PTAFR: variants seen among roughly 807,000 people sequenced by gnomAD.
PTAFR encodes the protein platelet activating factor receptor, also known as platelet-activating factor receptor.
A neutral mutation model predicts 14.7 loss-of-function variants in PTAFR; 8 were observed. The ratio of observed to expected loss-of-function variants is 0.54; its 90% CI spans 0.32 to 0.98. PTAFR has a LOEUF of 0.98. Among genes scored for constraint, PTAFR ranks in the 50% least tolerant of loss-of-function variants. The probability of loss-of-function intolerance (pLI) is 0.04; values close to 1 mark genes in which losing one functional copy is unlikely to be tolerated. For missense variants in PTAFR, 337 were observed against 451.2 expected, an observed-to-expected ratio of 0.75 and a Z score of 2.29; for synonymous variants, 156 against 176.5, an observed-to-expected ratio of 0.88 and a Z score of 0.92.
At chr1:28,180,964 TGA>T (rs1646557535), upstream of PTAFR, among the ~76,000 whole-genome samples, 2 of 152,044 alleles carry the variant, frequency 1.3e-5, no homozygotes, top group African/African-American at 4.8e-5. Flanking sequence ...ATTGATTGAT[TGA>T]TTTTTATTTA....
chr1:28,191,768 T>TA lies in PTAFR; in HGVS notation c.-39+1953dup, dbSNP rs59239826. 5.4e-3 allele frequency among the ~76,000 whole-genome samples: 790 copies of TA among 145,910 alleles called. 14 individuals carry two copies. The highest frequency in any genetic ancestry group is 0.029 in the Middle Eastern group (8 of 280). On this transcript the variant is annotated intron_variant, in intron 1 of 1. Coordinates refer to the PTAFR transcript ENST00000305392. ...ACTCTCTCTCTTTTTTTTTTTTAAT[T>TA]AAAAAAAAAAGAGGCCAGGTGTGGT...
chr1:28,150,932 G>A lies in PTAFR; in HGVS notation c.90C>T (p.Val30=), dbSNP rs764800084. The change falls in exon 2 of 2, where the codon GTC becomes GTT. Residue 30 remains valine (V), a synonymous_variant. Transcript: ENST00000373857. This position sits in a 1 kb window ranked among gnomAD's most constrained non-coding sequence, Gnocchi z 6.3. ...IVYSIIFVLG[V]IANGYVLWVF... Reference sequence around the variant, plus strand: ...CCCACAGCACGTAGCCATTAGCAATGACCCCGAGCACAAAGATGATGCTGT... The same window carrying A: ...CCCACAGCACGTAGCCATTAGCAATAACCCCGAGCACAAAGATGATGCTGT... The A allele has an allele frequency of 5.0e-6, 8 of 1,613,922 alleles. No homozygotes were observed. The highest frequency in any genetic ancestry group is 1.7e-5 in the Admixed American group (1 of 59,982).
At chr1:28,177,517 G>C (rs758358787), upstream of PTAFR, among the ~76,000 whole-genome samples, 9 of 152,156 alleles carry the variant, frequency 5.9e-5, no homozygotes, top group South Asian at 1.9e-3. Flanking sequence ...GCTTCCCAAA[G>C]TGTTGGGATT....
chr1:28,167,633 ATTTTTT>A (rs780344665), intron 1 of PTAFR, among the ~76,000 whole-genome samples: 7 of 80,250 alleles, frequency 8.7e-5, no homozygotes, highest in South Asian at 9.6e-4. Context: ...TGAAAACGGG[ATTTTTT>A]TTTTTTTTTT....
intron 1 of PTAFR, among the ~76,000 whole-genome samples, chr1:28,185,754 T>C (rs1363742666): frequency 6.6e-6 from 1 of 152,174 alleles, no homozygotes; most frequent in Non-Finnish European, 1.5e-5. Flanking sequence ...TCTTCGCAGA[T>C]AGTATGACTA....
In PTAFR at chr1:28,188,666, T is replaced by C. The variant is rs144194955; in HGVS notation, c.-39+5056A>G. Among the ~76,000 whole-genome samples the C allele has an allele frequency of 1.2e-4, 18 of 150,974 alleles. No homozygotes were observed. The East Asian group carries it at 2.8e-3, about 23-fold the overall frequency. ...AGGAGAATCCCTTGAATCCTAGAGG[T>C]GGAGGAACCCGGGAGATCGCACCAC... On this transcript the variant is annotated intron_variant, in intron 1 of 1. Transcript: ENST00000305392.
At chr1:28,157,268 T>C (rs1646274731) in intron 1 of PTAFR, among the ~76,000 whole-genome samples, 1 of 152,062 alleles carries the variant, frequency 6.6e-6, no homozygotes, top group Non-Finnish European at 1.5e-5. Context: ...GCCTCCCAAG[T>C]AGCTGGGATT....
upstream of PTAFR, among the ~76,000 whole-genome samples, chr1:28,179,711 C>T (rs1051683517): frequency 3.3e-5 from 5 of 151,818 alleles, no homozygotes; most frequent in African/African-American, 9.7e-5. Flanking sequence ...TGCTGATTAC[C>T]GCTGGTAATC....
chr1:28,157,774 G>A (rs956991887), intron 1 of PTAFR, among the ~76,000 whole-genome samples: 11 of 151,662 alleles, frequency 7.3e-5, no homozygotes, highest in Admixed American at 5.3e-4. Flanking sequence ...GACTACAGGC[G>A]CCTGCCACGA....
intron 1 of PTAFR, among the ~76,000 whole-genome samples, chr1:28,162,963 G>A (rs1243399596): frequency 2.0e-5 from 3 of 151,630 alleles, no homozygotes; most frequent in African/African-American, 4.9e-5. Context: ...AACATCTTCC[G>A]TGGCTCCCCT....
At chr1:28,179,109 C>T (rs145670668), upstream of PTAFR, among the ~76,000 whole-genome samples, 748 of 152,310 alleles carry the variant, frequency 4.9e-3, 5 homozygotes, top group African/African-American at 0.017. Context: ...TGTACATGAA[C>T]TTAGCCTTCA....
At chr1:28,184,088 T>C (rs1211015829) in intron 1 of PTAFR, among the ~76,000 whole-genome samples, 1 of 127,422 alleles carries the variant, frequency 7.8e-6, no homozygotes. Flanking sequence ...GTCTGTTTTT[T>C]TTTTTTTTTT....
At chr1:28,186,142 A>T (rs1646604265) in intron 1 of PTAFR, among the ~76,000 whole-genome samples, 1 of 151,964 alleles carries the variant, frequency 6.6e-6, no homozygotes, top group East Asian at 1.9e-4. Flanking sequence ...ATGCTCGGCT[A>T]ATTTTTTTGT....
chr1:28,179,292 C>A (rs950628941), upstream of PTAFR, among the ~76,000 whole-genome samples: 3 of 152,212 alleles, frequency 2.0e-5, no homozygotes, highest in Non-Finnish European at 2.9e-5. Flanking sequence ...GTCTCCAGGA[C>A]GCCTGGCTCA....
intron 1 of PTAFR, among the ~76,000 whole-genome samples, chr1:28,182,760 A>AACC (rs1318004024): frequency 2.6e-5 from 4 of 152,130 alleles, no homozygotes; most frequent in Non-Finnish European, 5.9e-5. Flanking sequence ...GGCTCCCTGC[A>AACC]ACCTCCGCCT....
At chr1:28,156,171 G>A (rs1397192771) in intron 1 of PTAFR, among the ~76,000 whole-genome samples, 3 of 151,714 alleles carry the variant, frequency 2.0e-5, no homozygotes, top group African/African-American at 7.3e-5. Flanking sequence ...GTTAAGGCAG[G>A]AGAATCGCTT....
rs1646146734 is a variant in PTAFR at position 28,149,019 on chromosome 1, G to A, written c.*974C>T. 1 of 152,266 alleles carries A rather than the reference G, an allele frequency of 6.6e-6. No individual in the cohort carries two copies. The highest frequency in any genetic ancestry group is 1.5e-5 in the Non-Finnish European group (1 of 68,072). The allele number at this position is 152,266 out of a possible 1,614,324, so 9.4% of individuals were successfully genotyped here. On this transcript the variant is annotated 3_prime_UTR_variant, in exon 2 of 2. Coordinates refer to ENST00000373857, the MANE Select transcript of PTAFR (RefSeq NM_000952.5). ...CCTTCCCACTCCCCCAGAGCTGACTGGACTAGAGGCAAGGCCTTTGCAGAC... is the reference window on the plus strand; with the variant it reads ...CCTTCCCACTCCCCCAGAGCTGACTAGACTAGAGGCAAGGCCTTTGCAGAC...
At chr1:28,181,523 G>A (rs1646562477), upstream of PTAFR, among the ~76,000 whole-genome samples, 1 of 152,018 alleles carries the variant, frequency 6.6e-6, no homozygotes, top group South Asian at 2.1e-4. Context: ...GAGGCGGGCG[G>A]ATCACCTGAG....
chr1:28,184,730 C>T (rs1646592000), intron 1 of PTAFR, among the ~76,000 whole-genome samples: 1 of 152,184 alleles, frequency 6.6e-6, no homozygotes, highest in African/African-American at 2.4e-5. Context: ...ACCTCCTCTT[C>T]CTGAGTTCCA....
Sources: allele counts gnomAD v4.1 joint callset (sites outside exome capture counted in the v4.1 genomes callset), GRCh38; gene constraint gnomAD v4.1.1; non-coding constraint Gnocchi (gnomAD v3.1); transcripts MANE v1.5; gene names NCBI Gene and HGNC (gene_info 2026-07-23, HGNC 2026-07-21).